The following PUDP variants were observed in gnomAD, a reference collection of about 807,000 sequenced individuals.
The protein encoded by PUDP is pseudouridine 5'-phosphatase.
PUDP carries 8 observed loss-of-function variants against 9.4 expected under a neutral mutation model. The observed-to-expected ratio is 0.85, with a 90% CI of 0.50 to 1.53. The LOEUF is 1.53. Among genes scored for constraint, PUDP ranks in the 40% most tolerant of loss-of-function variants. PUDP has a pLI of 0.00. For synonymous variants in PUDP, 99 were observed against 80.7 expected (o/e 1.23, Z -1.22); for missense variants, 188 against 189.7 (o/e 0.99, Z 0.05).
chrX:6,911,715 GTTC>G (rs1270955558), intron 3 of PUDP, among the ~76,000 whole-genome samples: 3 of 111,715 alleles, frequency 2.7e-5, no homozygotes, highest in Non-Finnish European at 3.8e-5. Context: ...TTAGAAGTGT[GTTC>G]TTATTTGTCA....
chrX:7,007,868 C>T (rs1297753308), intron 1 of PUDP, among the ~76,000 whole-genome samples: 2 of 112,092 alleles, frequency 1.8e-5, no homozygotes, highest in Non-Finnish European at 3.8e-5. Flanking sequence ...TTTCATCATT[C>T]ATTAACGATT....
At chrX:6,765,951 C>T (rs1055463998) in intron 3 of PUDP, among the ~76,000 whole-genome samples, 3 of 111,448 alleles carry the variant, frequency 2.7e-5, no homozygotes, top group Admixed American at 9.6e-5. Context: ...TAATGAAACT[C>T]CTGGAAACCA....
At chrX:6,997,921 T>C (rs759236086) in intron 1 of PUDP, among the ~76,000 whole-genome samples, 2 of 112,319 alleles carry the variant, frequency 1.8e-5, no homozygotes, top group Non-Finnish European at 3.8e-5. Flanking sequence ...TGAGTCAGAA[T>C]GGGCTCATTT....
intron 3 of PUDP, among the ~76,000 whole-genome samples, chrX:6,947,272 C>G (rs1206971216): frequency 9.0e-6 from 1 of 111,075 alleles, no homozygotes. Flanking sequence ...CTCGGCCCCC[C>G]AAAGTGCTGG....
chrX:6,750,387 T>TTG (rs748692288), intron 3 of PUDP, among the ~76,000 whole-genome samples: 16 of 109,776 alleles, frequency 1.5e-4, no homozygotes, highest in South Asian at 3.9e-4. Context: ...TTTGGATGAA[T>TTG]TGTGTGTGTG....
At chrX:7,027,460 A>ATGTG (rs759600811) in intron 1 of PUDP, among the ~76,000 whole-genome samples, 4 of 105,275 alleles carry the variant, frequency 3.8e-5, no homozygotes, top group East Asian at 6.0e-4. Flanking sequence ...ATACATATAT[A>ATGTG]TGTGTGTGTG....
At chrX:7,066,487 C>A (rs1184584000) in intron 3 of PUDP, among the ~76,000 whole-genome samples, 1 of 111,079 alleles carries the variant, frequency 9.0e-6, no homozygotes, top group Admixed American at 9.6e-5. Context: ...GCATTAGATT[C>A]TCATACGGAG....
chrX:6,965,207 G>A (rs1437256505), intron 3 of PUDP, among the ~76,000 whole-genome samples: 1 of 111,813 alleles, frequency 8.9e-6, no homozygotes, highest in African/African-American at 3.2e-5. Flanking sequence ...TCCAAGTATT[G>A]TTTTAAAACA....
intron 1 of PUDP, among the ~76,000 whole-genome samples, chrX:7,016,617 C>T: frequency 9.0e-6 from 1 of 111,208 alleles, no homozygotes; most frequent in Middle Eastern, 4.6e-3. Flanking sequence ...TCTATGACCT[C>T]CAGCCCACAC....
intron 3 of PUDP, among the ~76,000 whole-genome samples, chrX:6,933,645 G>A (rs1412682450): frequency 1.8e-5 from 2 of 112,218 alleles, no homozygotes; most frequent in East Asian, 5.6e-4. Flanking sequence ...TGACTTTGAC[G>A]AGCTGAGAGA....
chrX:7,083,567 G>C lies in PUDP; in HGVS notation c.281-6118C>G, dbSNP rs112794005. On this transcript the variant is annotated intron_variant, in intron 2 of 3. Transcript: ENST00000381077. Reference sequence around the variant, plus strand: ...CGGTTCAAGACAGTTGTGGGGGGCAGGTGGTGGACAGACGGCTGCTCTTTC... The same window carrying C: ...CGGTTCAAGACAGTTGTGGGGGGCACGTGGTGGACAGACGGCTGCTCTTTC... Among the ~76,000 whole-genome samples, 445 of 111,386 alleles carry C rather than the reference G, an allele frequency of 4.0e-3. 2 individuals are homozygous for C. The highest frequency in any genetic ancestry group is 0.014 in the African/African-American group (429 of 30,557).
chrX:6,821,217 C>G (rs894148601), intron 3 of PUDP, among the ~76,000 whole-genome samples: 2 of 111,442 alleles, frequency 1.8e-5, no homozygotes, highest in African/African-American at 6.5e-5. Context: ...AGAACTGGCT[C>G]CACACGAGGT....
chrX:7,104,864 A>G (rs1383894152), intron 2 of PUDP, among the ~76,000 whole-genome samples: 1 of 112,368 alleles, frequency 8.9e-6, no homozygotes, highest in Non-Finnish European at 1.9e-5. Context: ...TATGCTTCAT[A>G]TTAATATCAT....
chrX:6,956,465 G>T (rs1204006568), intron 3 of PUDP, among the ~76,000 whole-genome samples: 1 of 110,512 alleles, frequency 9.0e-6, no homozygotes, highest in Non-Finnish European at 1.9e-5. Context: ...TACATAAACA[G>T]ATATGTAATA....
chrX:6,735,275 GTGTTGGGC>G (rs1277045673), intron 3 of PUDP, among the ~76,000 whole-genome samples: 3 of 111,160 alleles, frequency 2.7e-5, no homozygotes, highest in Admixed American at 9.6e-5. Context: ...GGTTCAGGTA[GTGTTGGGC>G]TGAGACCATC....
intron 1 of PUDP, among the ~76,000 whole-genome samples, chrX:7,034,051 C>T (rs1929823905): frequency 9.0e-6 from 1 of 111,598 alleles, no homozygotes; most frequent in African/African-American, 3.3e-5. Context: ...CAGAGGACAA[C>T]CTAGTTTTAA....
At chrX:7,020,442 CCT>C (rs1188210151) in intron 1 of PUDP, among the ~76,000 whole-genome samples, 1 of 110,234 alleles carries the variant, frequency 9.1e-6, no homozygotes, top group African/African-American at 3.3e-5. Context: ...ACCTTCATCC[CCT>C]GACTCCCATC....
rs1306164385 is a variant in PUDP at position 6,926,967 on chromosome X, C to T, written c.*247+50166G>A. 8.2e-5 allele frequency among the ~76,000 whole-genome samples: 8 copies of T among 98,065 alleles called. No homozygotes were observed. In the Admixed American group the frequency reaches 9.3e-4, roughly 11 times the overall value. The allele number at this position is 98,065 out of a possible 115,157, so 85.2% of individuals were successfully genotyped here. A position where few individuals can be genotyped will look rare whatever the true frequency, so the allele number is the denominator to read the frequency against. ...TTTTGAGACTGTGTCTCACTCTGTC[C>T]CCCAGGCTGGAGTGCAGTGGCACAA... On this transcript the variant is annotated intron_variant and NMD_transcript_variant, in intron 3 of 3. Transcript: ENST00000655425.
intron 3 of PUDP, among the ~76,000 whole-genome samples, chrX:6,916,246 A>ACACACACC (rs1555916573): frequency 1.8e-4 from 13 of 71,580 alleles, no homozygotes; most frequent in African/African-American, 8.0e-4. Context: ...ACACACACAC[A>ACACACACC]CACCCTGGGG....
Sources: gnomAD v4.1 joint callset for allele counts (sites outside exome capture counted in the v4.1 genomes callset) on GRCh38, gnomAD v4.1.1 for gene constraint, MANE v1.5 for transcripts, NCBI Gene and HGNC (gene_info 2026-07-23, HGNC 2026-07-21) for gene names.